The following SMOC1 variants were observed in gnomAD, a reference collection of about 807,000 sequenced individuals.
SMOC1 encodes SPARC-related modular calcium-binding protein 1.
A neutral mutation model predicts 56.3 loss-of-function variants in SMOC1; 22 were observed. The observed-to-expected ratio is 0.39, with a 90% CI of 0.28 to 0.56. The LOEUF (loss-of-function observed/expected upper bound fraction) is 0.56, where lower values mean the gene tolerates loss of function less well. SMOC1 is among the 20% of genes least tolerant of loss of function. The pLI is 0.61. For synonymous variants in SMOC1, 193 were observed against 215.0 expected, an observed-to-expected ratio of 0.90 and a Z score of 0.89; for missense variants, 509 against 565.4, an observed-to-expected ratio of 0.90 and a Z score of 1.01.
Position 69,953,479 on chromosome 14 carries a change from C to A in SMOC1, c.325C>A (p.Pro109Thr), listed in dbSNP as rs1422551078. ...TCAAGCCCTGGAGCAAGCCAAGAAGCCTCAGGAAGCTGTGTTTGTCCCAGA... is the reference window on the plus strand; with the variant it reads ...TCAAGCCCTGGAGCAAGCCAAGAAGACTCAGGAAGCTGTGTTTGTCCCAGA... Reference protein sequence around the residue: ...RAQALEQAKKPQEAVFVPECG... With the variant: ...RAQALEQAKKTQEAVFVPECG... Residue 109 changes from proline to threonine, a missense_variant, in exon 3 of 12, where the codon CCT (proline) becomes ACT (threonine). This residue lies in a region of SMOC1 where 315 missense variants were observed against 333.1 expected (regional missense o/e 0.95). Coordinates refer to ENST00000361956, the MANE Select transcript of SMOC1 (RefSeq NM_001034852.3). 1 of 1,614,248 alleles carries A rather than the reference C, an allele frequency of 6.2e-7. No individual in the cohort carries two copies. Among genetic ancestry groups the A allele is most frequent in the Non-Finnish European group, 8.5e-7 (1 of 1,180,036 alleles).
intron 1 of SMOC1, among the ~76,000 whole-genome samples, chr14:69,899,285 C>T (rs1884179271): frequency 1.3e-5 from 2 of 152,068 alleles, no homozygotes; most frequent in South Asian, 4.1e-4. Flanking sequence ...AATTGTAATC[C>T]CCAGTGTTGG....
chr14:69,984,339 C>T (rs1283475676), intron 5 of SMOC1, among the ~76,000 whole-genome samples: 2 of 152,058 alleles, frequency 1.3e-5, no homozygotes, highest in African/African-American at 4.8e-5. Context: ...TAGAAGAAAA[C>T]AAGAGAAAAT....
chr14:69,886,161 A>C, intron 1 of SMOC1: 1 of 1,210,466 alleles, frequency 8.3e-7, no homozygotes, highest in Non-Finnish European at 1.2e-6. Flanking sequence ...GGGAGGAGAG[A>C]GCTCCTTTGA....
chr14:69,919,671 C>CA, intron 1 of SMOC1, among the ~76,000 whole-genome samples: 1 of 152,314 alleles, frequency 6.6e-6, no homozygotes, highest in Admixed American at 6.5e-5. Flanking sequence ...GCTGTCAACT[C>CA]ACAATCATCA....
chr14:69,943,563 C>T (rs1320963419), intron 1 of SMOC1, among the ~76,000 whole-genome samples: 3 of 152,182 alleles, frequency 2.0e-5, no homozygotes, highest in South Asian at 2.1e-4. Flanking sequence ...TGGTGAAGGA[C>T]GTGGTGAGAG....
chr14:69,931,388 G>A (rs1225128640), intron 1 of SMOC1, among the ~76,000 whole-genome samples: 1 of 152,250 alleles, frequency 6.6e-6, no homozygotes, highest in Admixed American at 6.5e-5. Flanking sequence ...TCCACTCGCT[G>A]TCGTCCTCTG....
At chr14:70,001,258 C>T (rs1012463485) in intron 7 of SMOC1, among the ~76,000 whole-genome samples, 1 of 152,152 alleles carries the variant, frequency 6.6e-6, no homozygotes, top group Non-Finnish European at 1.5e-5. Flanking sequence ...GGAGCCCAGA[C>T]TTGCTAAGGG....
intron 1 of SMOC1, among the ~76,000 whole-genome samples, chr14:69,911,937 C>T (rs1355551942): frequency 2.6e-5 from 4 of 152,134 alleles, no homozygotes; most frequent in Non-Finnish European, 2.9e-5. Context: ...ACACTGTTTT[C>T]CAGAGTGACT....
chr14:69,884,489 G>A (rs886685181), intron 1 of SMOC1, among the ~76,000 whole-genome samples: 1 of 151,996 alleles, frequency 6.6e-6, no homozygotes, highest in South Asian at 2.1e-4. Context: ...TGCTTTTGTT[G>A]CTTGTGCTTT....
At chr14:69,894,929 T>C (rs561910891) in intron 1 of SMOC1, among the ~76,000 whole-genome samples, 2 of 152,326 alleles carry the variant, frequency 1.3e-5, no homozygotes, top group South Asian at 4.1e-4. Flanking sequence ...CATAGATACC[T>C]ACATTTTACA....
intron 3 of SMOC1, among the ~76,000 whole-genome samples, chr14:69,955,611 A>G (rs1883154149): frequency 6.6e-6 from 1 of 152,148 alleles, no homozygotes; most frequent in African/African-American, 2.4e-5. Context: ...TGTCATTATC[A>G]TCATGATTAT....
chr14:70,001,186 G>A (rs570147203), intron 7 of SMOC1, among the ~76,000 whole-genome samples: 11 of 152,254 alleles, frequency 7.2e-5, no homozygotes, highest in African/African-American at 2.4e-4. Context: ...ACTGTGGGCC[G>A]TTAGAGTGAG....
At chr14:69,913,134 G>A (rs942057568) in intron 1 of SMOC1, among the ~76,000 whole-genome samples, 3 of 152,154 alleles carry the variant, frequency 2.0e-5, no homozygotes, top group Non-Finnish European at 2.9e-5. Flanking sequence ...AGCTCTGCAT[G>A]GCTTCAAAGC....
intron 3 of SMOC1, among the ~76,000 whole-genome samples, chr14:69,974,214 G>A (rs560321025): frequency 1.3e-5 from 2 of 152,268 alleles, no homozygotes; most frequent in African/African-American, 4.8e-5. Flanking sequence ...TGAATCAACA[G>A]CTAGAGCTCA....
At chr14:69,987,931 G>T (rs1175430880) in intron 5 of SMOC1, among the ~76,000 whole-genome samples, 5 of 152,226 alleles carry the variant, frequency 3.3e-5, no homozygotes, top group Admixed American at 6.5e-5. Flanking sequence ...CAAGGACAAG[G>T]CGTGACTGGG....
chr14:69,888,603 G>A (rs1028859572), intron 1 of SMOC1, among the ~76,000 whole-genome samples: 3 of 152,168 alleles, frequency 2.0e-5, no homozygotes, highest in African/African-American at 7.2e-5. Flanking sequence ...GAACAACTAC[G>A]CCTCGCCTCC....
Position 70,011,472 on chromosome 14 carries a change from T to G in SMOC1, c.858-13T>G. 1 of 1,007,342 alleles carries G rather than the reference T, an allele frequency of 9.9e-7. No homozygotes were observed. The highest frequency in any genetic ancestry group is 1.5e-6 in the Non-Finnish European group (1 of 670,464). The allele number at this position is 1,007,342 out of a possible 1,614,324, so 62.4% of individuals were successfully genotyped here. ...AGCCCCTCCCAACCCCCCCCATATC[T>G]CTCTTTTCCCAGCTACGTGATGCCC... On this transcript the variant is annotated splice_polypyrimidine_tract_variant and intron_variant, in intron 8 of 11. Transcript: ENST00000361956.
At position 70,030,448 on chromosome 14, in the gene SMOC1, A is replaced by C; in HGVS notation, c.*190A>C. Reference sequence around the variant, plus strand: ...GTTTCATTTTAAAACACCAATATCTAATACCACAGTGGGAAAAGGAAAGGG... The same window carrying C: ...GTTTCATTTTAAAACACCAATATCTCATACCACAGTGGGAAAAGGAAAGGG... On this transcript the variant is annotated 3_prime_UTR_variant, in exon 12 of 12. Transcript: ENST00000361956. 3.2e-6 allele frequency: 2 copies of C among 617,202 alleles called. No individual in the cohort carries two copies. The highest frequency in any genetic ancestry group is 2.8e-6 in the Non-Finnish European group (1 of 358,590). The allele number at this position is 617,202 out of a possible 1,614,324, so 38.2% of individuals were successfully genotyped here.
chr14:70,015,782 GA>G (rs1885488739), intron 10 of SMOC1, among the ~76,000 whole-genome samples: 1 of 152,194 alleles, frequency 6.6e-6, no homozygotes, highest in Non-Finnish European at 1.5e-5. Flanking sequence ...AAGAAGAGGG[GA>G]GAAGGTGAAT....
Sources: gnomAD v4.1 joint callset for allele counts (sites outside exome capture counted in the v4.1 genomes callset) on GRCh38, gnomAD v4.1.1 for gene constraint, gnomAD v4.1.1 regional missense constraint, MANE v1.5 for transcripts, NCBI Gene and HGNC (gene_info 2026-07-23, HGNC 2026-07-21) for gene names.